NCKAP1: variants seen among roughly 807,000 people sequenced by gnomAD.
NCKAP1 encodes nck-associated protein 1.
Under a neutral mutation model 151.2 loss-of-function variants are expected in NCKAP1, and 21 were observed. That is an observed-to-expected ratio of 0.14 (90% CI 0.10 to 0.20). The LOEUF is 0.20. Ranked by LOEUF, NCKAP1 falls within the 10% of genes least tolerant of loss-of-function variation. The probability of loss-of-function intolerance (pLI) is 1.00; values close to 1 mark genes in which losing one functional copy is unlikely to be tolerated. For synonymous variants in NCKAP1, 484 were observed against 451.8 expected (o/e 1.07, Z -0.90); for missense variants, 933 against 1,352.1 (o/e 0.69, Z 4.86).
At chr2:183,037,145 A>T (rs570354463) in intron 1 of NCKAP1, among the ~76,000 whole-genome samples, 4 of 152,350 alleles carry the variant, frequency 2.6e-5, no homozygotes, top group African/African-American at 9.6e-5. Context: ...TGTACTGAGG[A>T]CATGTAAAAG....
At chr2:183,012,509 A>G (rs1698607272) in intron 2 of NCKAP1, among the ~76,000 whole-genome samples, 1 of 152,204 alleles carries the variant, frequency 6.6e-6, no homozygotes, top group African/African-American at 2.4e-5. Flanking sequence ...CACTGGGAGA[A>G]TAATTCCCAC....
intron 1 of NCKAP1, among the ~76,000 whole-genome samples, chr2:183,027,875 T>C (rs1195783561): frequency 2.0e-5 from 3 of 152,210 alleles, no homozygotes; most frequent in Non-Finnish European, 4.4e-5. Context: ...GCTATTGGTA[T>C]ACTTGAAATC....
At position 182,920,659 on chromosome 2, in the gene NCKAP1, G is replaced by A. The variant is rs1456718758; in HGVS notation, c.*5043C>T. 1 of 152,200 alleles carries A rather than the reference G, an allele frequency of 6.6e-6. No homozygotes were observed. Among genetic ancestry groups the A allele is most frequent in the Non-Finnish European group, 1.5e-5 (1 of 68,114 alleles). 9.4% of individuals were successfully genotyped at this position (152,200 alleles called of 1,614,324 possible). ...GCTTCTTGCTTTGTCCTCACGTGGTGGTTGGGGCAAGTCGGCTGTCTGGGG... is the reference window on the plus strand; with the variant it reads ...GCTTCTTGCTTTGTCCTCACGTGGTAGTTGGGGCAAGTCGGCTGTCTGGGG... On this transcript the variant is annotated 3_prime_UTR_variant, in exon 31 of 31. Coordinates refer to ENST00000361354, the MANE Select transcript of NCKAP1 (RefSeq NM_013436.5).
chr2:182,956,854 A>T (rs1697338586), intron 19 of NCKAP1: 2 of 284,618 alleles, frequency 7.0e-6, no homozygotes, highest in South Asian at 8.9e-5. Context: ...CTTATTCTGC[A>T]CTCATAAAGA....
chr2:183,034,632 T>C lies in NCKAP1; in HGVS notation c.108+3360A>G, dbSNP rs570766575. Among the ~76,000 whole-genome samples, 5 of 152,290 alleles carry C rather than the reference T, an allele frequency of 3.3e-5. No homozygotes were observed. The South Asian group carries it at 8.3e-4, about 25-fold the overall frequency. On this transcript the variant is annotated intron_variant, in intron 1 of 30. Coordinates refer to ENST00000361354, the MANE Select transcript of NCKAP1 (RefSeq NM_013436.5). ...CAGTTATACAATTTCAGAAAAACAA[T>C]GTTGCCCAAAAGAGATGCTCAGATT...
chr2:182,971,393 C>CAAAAAAAAAAAAAAAAAA (rs1190689259), intron 15 of NCKAP1, among the ~76,000 whole-genome samples: 1 of 68,968 alleles, frequency 1.4e-5, no homozygotes, highest in African/African-American at 5.2e-5. Context: ...GACTCCGTCT[C>CAAAAAAAAAAAAAAAAAA]AAAAAAAAAA....
In NCKAP1 at chr2:182,910,948, G is replaced by GCACCCCCC. The variant is rs5836857; in HGVS notation, c.*14753_*14754insGGGGGGTG. On this transcript the variant is annotated 3_prime_UTR_variant, in exon 31 of 31. Coordinates refer to ENST00000361354, the MANE Select transcript of NCKAP1 (RefSeq NM_013436.5). ...CTTGGAAATAAAAATAAAATCCTAA[G>GCACCCCCC]CTCCCCCCCCACATTTGACTAAACA... 130 of 117,824 alleles carry GCACCCCCC rather than the reference G, an allele frequency of 1.1e-3. 7 individuals are homozygous for GCACCCCCC. Among genetic ancestry groups the GCACCCCCC allele is most frequent in the African/African-American group, 2.5e-3 (87 of 34,770 alleles). The allele number at this position is 117,824 out of a possible 1,614,324, so 7.3% of individuals were successfully genotyped here. A position where few individuals can be genotyped will look rare whatever the true frequency, so the allele number is the denominator to read the frequency against.
chr2:182,971,988 C>T (rs1350388290), intron 15 of NCKAP1, among the ~76,000 whole-genome samples: 1 of 151,860 alleles, frequency 6.6e-6, no homozygotes, highest in African/African-American at 2.4e-5. Flanking sequence ...TGAAACATGC[C>T]AGAATATTGG....
At chr2:183,032,817 C>A (rs572095127) in intron 1 of NCKAP1, among the ~76,000 whole-genome samples, 1 of 152,086 alleles carries the variant, frequency 6.6e-6, no homozygotes, top group African/African-American at 2.4e-5. Context: ...CAGGCTGAAG[C>A]GAGTGGATTG....
chr2:182,947,591 A>G (rs1174435794), intron 23 of NCKAP1, among the ~76,000 whole-genome samples: 2 of 152,162 alleles, frequency 1.3e-5, no homozygotes, highest in Non-Finnish European at 2.9e-5. Flanking sequence ...AAAGAAGATT[A>G]TTTTATAGAG....
intron 1 of NCKAP1, chr2:183,024,871 T>G: frequency 7.8e-7 from 1 of 1,280,110 alleles, no homozygotes; most frequent in Non-Finnish European, 1.1e-6. Context: ...TAGTTTTCCA[T>G]TGTTTACTAT....
rs1354567202 is a variant in NCKAP1 at position 182,914,976 on chromosome 2, GA to G, written c.*10725del. The G allele has an allele frequency of 6.6e-6, 1 of 152,178 alleles. No individual in the cohort carries two copies. The allele number at this position is 152,178 out of a possible 1,614,324, so 9.4% of individuals were successfully genotyped here. A position where few individuals can be genotyped will look rare whatever the true frequency, so the allele number is the denominator to read the frequency against. On this transcript the variant is annotated 3_prime_UTR_variant, in exon 31 of 31. Coordinates refer to ENST00000361354, the MANE Select transcript of NCKAP1 (RefSeq NM_013436.5). ...GAGCAGATGTGATCATTTAAGCTGG[GA>G]ATGCAGCCATACCGGGTGTCAGAGC...
chr2:182,993,472 G>C (rs1441098954), intron 8 of NCKAP1, among the ~76,000 whole-genome samples: 1 of 152,106 alleles, frequency 6.6e-6, no homozygotes, highest in African/African-American at 2.4e-5. Flanking sequence ...GGGGTGAGTA[G>C]GAGGAATTTA....
chr2:182,944,442 C>T (rs1211936787), intron 23 of NCKAP1, among the ~76,000 whole-genome samples: 2 of 152,092 alleles, frequency 1.3e-5, no homozygotes, highest in Non-Finnish European at 2.9e-5. Flanking sequence ...AATGCCAAAA[C>T]AATTCTTTTG....
intron 15 of NCKAP1, among the ~76,000 whole-genome samples, chr2:182,976,412 G>A (rs1697824997): frequency 6.6e-6 from 1 of 152,158 alleles, no homozygotes; most frequent in Non-Finnish European, 1.5e-5. Flanking sequence ...TAGTTTTACT[G>A]GAATACAGCC....
At chr2:183,001,160 T>G (rs1403314897) in intron 6 of NCKAP1, among the ~76,000 whole-genome samples, 2 of 152,214 alleles carry the variant, frequency 1.3e-5, no homozygotes, top group Non-Finnish European at 2.9e-5. Flanking sequence ...AAGAGAACAA[T>G]GTAGACCAAG....
At chr2:182,994,667 C>T (rs571125885) in intron 8 of NCKAP1, among the ~76,000 whole-genome samples, 172 bp downstream of exon 8, 1 of 151,364 alleles carries the variant, frequency 6.6e-6, no homozygotes, top group Non-Finnish European at 1.5e-5. Context: ...AGAAAAAAAA[C>T]CCACAAACAG....
At chr2:182,992,792 T>C (rs1263282712) in intron 8 of NCKAP1, among the ~76,000 whole-genome samples, 1 of 152,130 alleles carries the variant, frequency 6.6e-6, no homozygotes, top group Admixed American at 6.5e-5. Context: ...TGAGACTAAG[T>C]ATTGGAACAG....
At chr2:182,960,407 A>C (rs892223050) in intron 18 of NCKAP1, among the ~76,000 whole-genome samples, 2 of 152,096 alleles carry the variant, frequency 1.3e-5, no homozygotes, top group Non-Finnish European at 2.9e-5. Flanking sequence ...GAACAGAACA[A>C]AGCCCTCAGA....
Sources: gnomAD v4.1 joint callset for allele counts (sites outside exome capture counted in the v4.1 genomes callset) on GRCh38, gnomAD v4.1.1 for gene constraint, MANE v1.5 for transcripts, NCBI Gene and HGNC (gene_info 2026-07-23, HGNC 2026-07-21) for gene names.